Variants in CCSER2 observed in about 807,000 individuals in gnomAD.
CCSER2 encodes serine-rich coiled-coil domain-containing protein 2.
A neutral mutation model predicts 92.3 loss-of-function variants in CCSER2; 46 were observed. The observed-to-expected ratio is 0.50, with a 90% CI of 0.39 to 0.64. The LOEUF is 0.64. Ranked by LOEUF, CCSER2 falls within the 30% of genes least tolerant of loss-of-function variation. The pLI is 0.00. For synonymous variants in CCSER2, 433 were observed against 431.4 expected (o/e 1.00, Z -0.04); for missense variants, 1,244 against 1,238.9 (o/e 1.00, Z -0.06).
intron 3 of CCSER2, among the ~76,000 whole-genome samples, chr10:84,377,711 T>A (rs1846414521): frequency 6.6e-6 from 1 of 152,172 alleles, no homozygotes; most frequent in African/African-American, 2.4e-5. Flanking sequence ...AATTTATAGA[T>A]GATTTTGGAG....
chr10:84,459,070 C>G (rs1270150911), intron 6 of CCSER2, among the ~76,000 whole-genome samples: 1 of 152,108 alleles, frequency 6.6e-6, no homozygotes, highest in Non-Finnish European at 1.5e-5. Context: ...TGCAGTGGCA[C>G]GATCTCAGCT....
chr10:84,379,926 A>T (rs1337035236), intron 3 of CCSER2, among the ~76,000 whole-genome samples: 1 of 152,178 alleles, frequency 6.6e-6, no homozygotes, highest in African/African-American at 2.4e-5. Context: ...TGCTAATAAT[A>T]ATGTCTACAT....
At chr10:84,503,173 A>T (rs531262374) in intron 9 of CCSER2, among the ~76,000 whole-genome samples, 1 of 152,122 alleles carries the variant, frequency 6.6e-6, no homozygotes, top group Non-Finnish European at 1.5e-5. Context: ...GCTTGCCGTG[A>T]GCCAGATCGC....
chr10:84,380,993 C>T (rs1235521871), intron 3 of CCSER2, among the ~76,000 whole-genome samples: 1 of 152,154 alleles, frequency 6.6e-6, no homozygotes, highest in Non-Finnish European at 1.5e-5. Flanking sequence ...AGCCACCATG[C>T]CCAGCCTCTC....
At chr10:84,347,168 C>G (rs1168262834) in intron 1 of CCSER2, among the ~76,000 whole-genome samples, 1 of 152,216 alleles carries the variant, frequency 6.6e-6, no homozygotes, top group Non-Finnish European at 1.5e-5. Context: ...TGAAGTCTCC[C>G]ATGTCTACTT....
intron 5 of CCSER2, among the ~76,000 whole-genome samples, chr10:84,430,726 TA>T (rs943652725): frequency 1.3e-5 from 2 of 152,232 alleles, no homozygotes; most frequent in African/African-American, 4.8e-5. Context: ...TTGGATAAAT[TA>T]AAATGCCACA....
intron 1 of CCSER2, among the ~76,000 whole-genome samples, chr10:84,341,438 A>T (rs746250460): frequency 7.2e-6 from 1 of 139,822 alleles, no homozygotes; most frequent in Non-Finnish European, 1.5e-5. Context: ...TTCTGCTTCG[A>T]CCTCTCAAAG....
At chr10:84,378,622 A>G (rs1846469104) in intron 3 of CCSER2, among the ~76,000 whole-genome samples, 1 of 152,042 alleles carries the variant, frequency 6.6e-6, no homozygotes, top group South Asian at 2.1e-4. Flanking sequence ...TTTAGTAGAG[A>G]CAGGGTTTCA....
chr10:84,480,363 G>A (rs1847388540), intron 9 of CCSER2, among the ~76,000 whole-genome samples: 1 of 152,042 alleles, frequency 6.6e-6, no homozygotes, highest in Admixed American at 6.6e-5. Context: ...AAGTATTTTT[G>A]GTTGAAAAGG....
chr10:84,518,060 G>A lies in CCSER2; in HGVS notation c.*3793G>A, dbSNP rs1849655201. The A allele has an allele frequency of 1.3e-5, 2 of 152,178 alleles. No individual in the cohort carries two copies. The highest frequency in any genetic ancestry group is 2.1e-4 in the South Asian group (1 of 4,832). 9.4% of individuals were successfully genotyped at this position (152,178 alleles called of 1,614,324 possible). On this transcript the variant is annotated 3_prime_UTR_variant, in exon 10 of 10. Transcript: ENST00000372088. ...AAAATTAATTATAGCTGTACTACCC[G>A]ATGTTTTTCCTTGGGGATGATGGCC...
intron 1 of CCSER2, among the ~76,000 whole-genome samples, chr10:84,336,619 C>G (rs1843851626): frequency 6.6e-6 from 1 of 152,222 alleles, no homozygotes. Context: ...GGCAAGTAGG[C>G]CAGTGCAGGC....
chr10:84,451,654 AGACG>A (rs1845299013), intron 6 of CCSER2, among the ~76,000 whole-genome samples: 1 of 152,224 alleles, frequency 6.6e-6, no homozygotes, highest in Non-Finnish European at 1.5e-5. Flanking sequence ...AGATATGTAC[AGACG>A]TAACAGATAT....
intron 3 of CCSER2, chr10:84,389,227 G>T: frequency 2.2e-6 from 1 of 449,590 alleles, no homozygotes; most frequent in Non-Finnish European, 4.4e-6. Flanking sequence ...GAGGGTGGCG[G>T]CCATCAGCAT....
chr10:84,408,399 G>A (rs1353631667), intron 3 of CCSER2, among the ~76,000 whole-genome samples: 2 of 152,016 alleles, frequency 1.3e-5, no homozygotes, highest in African/African-American at 4.8e-5. Context: ...ATATATGTTT[G>A]ATTTTCTTTT....
intron 6 of CCSER2, among the ~76,000 whole-genome samples, chr10:84,449,282 G>A (rs1589694997): frequency 6.6e-6 from 1 of 152,278 alleles, no homozygotes; most frequent in East Asian, 1.9e-4. Flanking sequence ...GGCTGAGGCG[G>A]GAGGATCACT....
chr10:84,370,229 C>A (rs2133161734), intron 1 of CCSER2, among the ~76,000 whole-genome samples: 1 of 152,228 alleles, frequency 6.6e-6, no homozygotes, highest in African/African-American at 2.4e-5. Context: ...GCAGCATGGT[C>A]ATTTTCATGA....
intron 1 of CCSER2, among the ~76,000 whole-genome samples, chr10:84,329,579 G>C (rs752858493): frequency 5.9e-5 from 9 of 152,240 alleles, no homozygotes; most frequent in Non-Finnish European, 8.8e-5. Context: ...TTTTAAAATA[G>C]CCATATGAAA....
intron 9 of CCSER2, among the ~76,000 whole-genome samples, chr10:84,485,233 T>G (rs1420661167): frequency 6.6e-6 from 1 of 152,208 alleles, no homozygotes; most frequent in Admixed American, 6.5e-5. Flanking sequence ...TGTGCACGCT[T>G]CTGTGCCATT....
intron 9 of CCSER2, among the ~76,000 whole-genome samples, chr10:84,496,299 T>G: frequency 6.6e-6 from 1 of 151,708 alleles, no homozygotes; most frequent in East Asian, 1.9e-4. Flanking sequence ...TCTTTTTTCT[T>G]TTTTGAGACG....
Sources: gnomAD v4.1 joint callset for allele counts (sites outside exome capture counted in the v4.1 genomes callset) on GRCh38, gnomAD v4.1.1 for gene constraint, MANE v1.5 for transcripts, NCBI Gene and HGNC (gene_info 2026-07-23, HGNC 2026-07-21) for gene names.